THBS1: variants seen among roughly 807,000 people sequenced by gnomAD.
The protein encoded by THBS1 is thrombospondin 1, also known as thrombospondin-1.
THBS1 carries 29 observed loss-of-function variants against 126.1 expected under a neutral mutation model. The observed-to-expected ratio is 0.23, with a 90% CI of 0.17 to 0.31. The LOEUF is 0.31. THBS1 is among the 10% of genes least tolerant of loss of function. The pLI, the probability that THBS1 is intolerant of heterozygous loss-of-function variation, is 1.00. For synonymous variants in THBS1, 496 were observed against 577.8 expected, an observed-to-expected ratio of 0.86 and a Z score of 2.03; for missense variants, 1,198 against 1,545.2, an observed-to-expected ratio of 0.78 and a Z score of 3.77.
chr15:39,583,721 T>G, intron 4 of THBS1, 29 bp downstream of exon 4: 1 of 1,600,394 alleles, frequency 6.2e-7, no homozygotes, highest in Non-Finnish European at 8.5e-7. Flanking sequence ...TTAGGGCACA[T>G]AGGGAATCAG....
Position 39,594,279 on chromosome 15 carries a change from A to G in THBS1, c.3366-22A>G, listed in dbSNP as rs776346127. 18 of 1,613,992 alleles carry G rather than the reference A, an allele frequency of 1.1e-5. 1 individual carries two copies. In the South Asian group the frequency reaches 2.0e-4, roughly 18 times the overall value. On this transcript the variant is annotated intron_variant, in intron 20 of 21. Coordinates refer to ENST00000260356, the MANE Select transcript of THBS1 (RefSeq NM_003246.4). The surrounding 1 kb of genome is among the most constrained non-coding windows in gnomAD (Gnocchi z 4.4). ...AAGTATTAAATAGCATTGTCACTAAACAAGATTTTTTTTCCCTGCAGAGTG... is the reference window on the plus strand; with the variant it reads ...AAGTATTAAATAGCATTGTCACTAAGCAAGATTTTTTTTCCCTGCAGAGTG...
Position 39,592,840 on chromosome 15 carries a change from T to G in THBS1, c.2767+38T>G. 1 of 1,591,046 alleles carries G rather than the reference T, an allele frequency of 6.3e-7. No homozygotes were observed. ...AGCCACTTTCTAAGACAGGGACTGC[T>G]GGCACAGCTGTGTAGATTGAAGAAA... is the stretch of plus-strand genomic sequence containing the variant. On this transcript the variant is annotated intron_variant, in intron 17 of 21. Transcript: ENST00000260356. The surrounding 1 kb of genome is among the most constrained non-coding windows in gnomAD (Gnocchi z 4.3).
chr15:39,590,391 A>T (rs761359559), intron 13 of THBS1, 125 bp from the exon 14 acceptor site: 51 of 717,874 alleles, frequency 7.1e-5, no homozygotes, highest in Non-Finnish European at 1.1e-4. Context: ...CCCATAAAAA[A>T]AATATGCTGT....
rs891544118 is a variant in THBS1, at chr15:39,598,757, T to A, written c.*3388T>A. ...TTATTGTCATGTGTTGTGGGAGAGC[T>A]CGAGTGAAGAGCAATAAACTCCAGG... On this transcript the variant is annotated 3_prime_UTR_variant, in exon 22 of 22. Transcript: ENST00000260356. 2 of 152,172 alleles carry A rather than the reference T, an allele frequency of 1.3e-5. No homozygotes were observed. The highest frequency in any genetic ancestry group is 4.8e-5 in the African/African-American group (2 of 41,520). The allele number at this position is 152,172 out of a possible 1,614,324, so 9.4% of individuals were successfully genotyped here.
chr15:39,595,514 G>A lies in THBS1; in HGVS notation c.*145G>A, dbSNP rs41383045. On this transcript the variant is annotated 3_prime_UTR_variant, in exon 22 of 22. Transcript: ENST00000260356. ...TTGCATCAGTGTGGACTCCTAGAACGTGCGACCTGCCTCAAGAAAATGCAG... is the reference window on the plus strand; with the variant it reads ...TTGCATCAGTGTGGACTCCTAGAACATGCGACCTGCCTCAAGAAAATGCAG... 515 of 1,074,874 alleles carry A rather than the reference G, an allele frequency of 4.8e-4. 6 individuals are homozygous for A. In the East Asian group the frequency reaches 0.012, roughly 25 times the overall value. 66.6% of individuals were successfully genotyped at this position (1,074,874 alleles called of 1,614,324 possible).
chr15:39,582,800 AGGTGACCTGC>A (rs754130361), intron 3 of THBS1, 48 bp downstream of exon 3: 349 of 1,544,066 alleles, frequency 2.3e-4, no homozygotes, highest in Non-Finnish European at 2.9e-4. Context: ...TCTGCTAGAC[AGGTGACCTGC>A]CAGGAGGGCT....
Position 39,593,939 on chromosome 15 carries a change from TG to T in THBS1, c.3268-158del. 1 of 894,116 alleles carries T rather than the reference TG, an allele frequency of 1.1e-6. No homozygotes were observed. Among genetic ancestry groups the T allele is most frequent in the Non-Finnish European group, 1.7e-6 (1 of 599,516 alleles). The allele number at this position is 894,116 out of a possible 1,614,324, so 55.4% of individuals were successfully genotyped here. On this transcript the variant is annotated intron_variant, in intron 19 of 21. Coordinates refer to ENST00000260356, the MANE Select transcript of THBS1 (RefSeq NM_003246.4). The surrounding 1 kb of genome is among the most constrained non-coding windows in gnomAD (Gnocchi z 5.9). ...CTGTCTGCTTTATATGTGTGCTCAG[TG>T]GCACACAACAAATATGAGAGGACTT...
Position 39,590,622 on chromosome 15 carries a change from G to C in THBS1, c.2252G>C (p.Arg751Thr). ...DDDNDKIPDDRDNCPFHYNPA... is the reference protein window; with the variant it reads ...DDDNDKIPDDTDNCPFHYNPA... ...GACAATGATAAAATTCCAGATGACAGGGTAAAAACAGTTTTCTATCCCTTT... is the reference window on the plus strand; with the variant it reads ...GACAATGATAAAATTCCAGATGACACGGTAAAAACAGTTTTCTATCCCTTT... Residue 751 changes from arginine (R) to threonine (T), a missense_variant and splice_region_variant, in exon 14 of 22, where the codon AGG becomes ACG. Around this residue, in one of 4 missense-constraint regions of THBS1, gnomAD observed 663 missense variants for 860.1 expected, o/e 0.77. Coordinates refer to ENST00000260356, the MANE Select transcript of THBS1 (RefSeq NM_003246.4). The C allele has an allele frequency of 6.2e-7, 1 of 1,612,842 alleles. No homozygotes were observed. The highest frequency in any genetic ancestry group is 8.5e-7 in the Non-Finnish European group (1 of 1,179,148).
intron 7 of THBS1, among the ~76,000 whole-genome samples, chr15:39,586,334 T>C (rs1333604811): frequency 6.6e-6 from 1 of 152,226 alleles, no homozygotes; most frequent in African/African-American, 2.4e-5. Flanking sequence ...TTTTTACATT[T>C]ATTTTCTGTT....
rs1159514733 is a variant in THBS1, at chr15:39,598,106, T to C, written c.*2737T>C. ...TGAAGAAAAGGCCCAAGTGTACCAA[T>C]AAGCAGACCTTGATTTTTGGATGGG... is the stretch of plus-strand genomic sequence containing the variant. On this transcript the variant is annotated 3_prime_UTR_variant, in exon 22 of 22. Transcript: ENST00000260356. 1 of 152,218 alleles carries C rather than the reference T, an allele frequency of 6.6e-6. No homozygotes were observed. The highest frequency in any genetic ancestry group is 1.5e-5 in the Non-Finnish European group (1 of 68,024). 9.4% of individuals were successfully genotyped at this position (152,218 alleles called of 1,614,324 possible).
intron 21 of THBS1, 89 bp from the exon 22 acceptor site, chr15:39,595,273 C>T: frequency 2.4e-6 from 2 of 846,456 alleles, no homozygotes; most frequent in Non-Finnish European, 1.7e-6. Flanking sequence ...TAGAGCTATT[C>T]CTATGTGGTT....
At position 39,597,357 on chromosome 15, in the gene THBS1, T is replaced by C. The variant is rs1357494399; in HGVS notation, c.*1988T>C. 1 of 151,568 alleles carries C rather than the reference T, an allele frequency of 6.6e-6. No homozygotes were observed. The highest frequency in any genetic ancestry group is 1.5e-5 in the Non-Finnish European group (1 of 67,886). The allele number at this position is 151,568 out of a possible 1,614,324, so 9.4% of individuals were successfully genotyped here. On this transcript the variant is annotated 3_prime_UTR_variant, in exon 22 of 22. Coordinates refer to ENST00000260356, the MANE Select transcript of THBS1 (RefSeq NM_003246.4). ...AATACCTTTTTCTAGGAATGTGCTT[T>C]TTTTTGTACACATTTTTATCCATTT...
At position 39,593,130 on chromosome 15, in the gene THBS1, C is replaced by T; in HGVS notation, c.2898C>T (p.Asp966=). The change falls in exon 18 of 22, where the codon GAC becomes GAT. Residue 966 remains aspartate, a synonymous_variant. Transcript: ENST00000260356. This position sits in a 1 kb window ranked among gnomAD's most constrained non-coding sequence, Gnocchi z 5.9. ...DFRRFQMIPL[D]PKGTSQNDPN... ...GCCGATTCCAGATGATTCCTCTGGA[C>T]CCCAAAGGGACATCCCAAAATGACC... The T allele has an allele frequency of 6.2e-7, 1 of 1,600,646 alleles. No individual in the cohort carries two copies. The highest frequency in any genetic ancestry group is 8.5e-7 in the Non-Finnish European group (1 of 1,174,192).
chr15:39,590,914 G>A (rs1207354081), intron 14 of THBS1: 8 of 532,768 alleles, frequency 1.5e-5, no homozygotes, highest in Non-Finnish European at 2.6e-5. Context: ...ATGTCACATC[G>A]AAATTACAGT....
intron 7 of THBS1, chr15:39,586,722 C>T (rs1029040595): frequency 5.3e-5 from 8 of 152,190 alleles, no homozygotes; most frequent in South Asian, 2.1e-4. Flanking sequence ...TCCTCATACT[C>T]GCGCATTCTT....
Position 39,581,888 on chromosome 15 carries a change from T to C in THBS1, c.31T>C (p.Phe11Leu). The change falls in exon 2 of 22, where the codon TTC becomes CTC. Residue 11 changes from phenylalanine (F) to leucine (L), a missense_variant. This residue lies in a region of THBS1 where 271 missense variants were observed against 277.0 expected (regional missense o/e 0.98). Coordinates refer to ENST00000260356, the MANE Select transcript of THBS1 (RefSeq NM_003246.4). MGLAWGLGVLFLMHVCGTNRI... is the reference protein window; with the variant it reads MGLAWGLGVLLLMHVCGTNRI... ...GCTGGCCTGGGGACTAGGCGTCCTG[T>C]TCCTGATGCATGTGTGTGGCACCAA... 1 of 1,614,122 alleles carries C rather than the reference T, an allele frequency of 6.2e-7. No homozygotes were observed.
chr15:39,593,881 CT>C lies in THBS1; in HGVS notation c.3268-214del. 2 of 920,864 alleles carry C rather than the reference CT, an allele frequency of 2.2e-6. No individual in the cohort carries two copies. The highest frequency in any genetic ancestry group is 3.2e-6 in the Non-Finnish European group (2 of 629,120). The allele number at this position is 920,864 out of a possible 1,614,324, so 57.0% of individuals were successfully genotyped here. A position where few individuals can be genotyped will look rare whatever the true frequency, so the allele number is the denominator to read the frequency against. On this transcript the variant is annotated intron_variant, in intron 19 of 21. Transcript: ENST00000260356. This position sits in a 1 kb window ranked among gnomAD's most constrained non-coding sequence, Gnocchi z 5.9. ...CTGCAAATCCTAAGGTGCCTTCAGC[CT>C]TTTCAAACAAAAAAACCTCCTTCCC...
chr15:39,582,279 C>A lies in THBS1; in HGVS notation c.154C>A (p.Pro52Thr). 1 of 1,614,170 alleles carries A rather than the reference C, an allele frequency of 6.2e-7. No homozygotes were observed. Among genetic ancestry groups the A allele is most frequent in the Admixed American group, 1.7e-5 (1 of 60,028 alleles). The change falls in exon 3 of 22, where the codon CCC becomes ACC. Residue 52 changes from proline (P) to threonine (T), a missense_variant. By Grantham distance (38) the Pro-to-Thr change is conservative. Transcript: ENST00000260356. The stretch of plus-strand genomic sequence containing the variant: ...GTCTGGGCGCCGACTGGTGAAGGGC[C>A]CCGACCCTTCCAGCCCAGCTTTCCG... The part of the protein sequence containing the change: ...KGSGRRLVKG[P>T]DPSSPAFRIE...
rs1379232530 is a variant in THBS1, at chr15:39,597,701, CAT to C, written c.*2336_*2337del. Reference sequence around the variant, plus strand: ...ATACATTAGCCTGCCATATCAAAAACATATAAAAGAGAAATTATCCCTAAGTC... The same window carrying C: ...ATACATTAGCCTGCCATATCAAAAACATAAAAGAGAAATTATCCCTAAGTC... On this transcript the variant is annotated 3_prime_UTR_variant, in exon 22 of 22. Transcript: ENST00000260356. 2.6e-5 allele frequency: 4 copies of C among 152,228 alleles called. No homozygotes were observed. Among genetic ancestry groups the C allele is most frequent in the Admixed American group, 1.3e-4 (2 of 15,280 alleles). The allele number at this position is 152,228 out of a possible 1,614,324, so 9.4% of individuals were successfully genotyped here. A position where few individuals can be genotyped will look rare whatever the true frequency, so the allele number is the denominator to read the frequency against.
Sources: gnomAD v4.1 joint callset for allele counts (sites outside exome capture counted in the v4.1 genomes callset) on GRCh38, gnomAD v4.1.1 for gene constraint, gnomAD v4.1.1 regional missense constraint, Gnocchi (gnomAD v3.1) non-coding constraint, MANE v1.5 for transcripts, NCBI Gene and HGNC (gene_info 2026-07-23, HGNC 2026-07-21) for gene names.